SEMA5A: variants seen among roughly 807,000 people sequenced by gnomAD.
SEMA5A encodes the protein semaphorin-5A.
In SEMA5A, 55 loss-of-function variants were observed where a neutral mutation model predicts 135.5. The observed-to-expected ratio is 0.41, with a 90% confidence interval of 0.33 to 0.51. SEMA5A has a LOEUF of 0.51. Among genes scored for constraint, SEMA5A ranks in the 20% least tolerant of loss-of-function variants. SEMA5A has a pLI of 0.37. For missense variants in SEMA5A, 1,290 were observed against 1,419.9 expected (o/e 0.91, Z 1.47); for synonymous variants, 580 against 546.5 (o/e 1.06, Z -0.85).
intron 8 of SEMA5A, among the ~76,000 whole-genome samples, chr5:9,211,656 C>G (rs79954582): frequency 2.0e-5 from 3 of 152,278 alleles, no homozygotes; most frequent in East Asian, 3.9e-4. Context: ...CTCTTCAGGA[C>G]AAGCAGAAAG....
chr5:9,440,241 T>C (rs1390318892), intron 1 of SEMA5A, among the ~76,000 whole-genome samples: 1 of 152,182 alleles, frequency 6.6e-6, no homozygotes, highest in Non-Finnish European at 1.5e-5. Flanking sequence ...AATTAGCCAA[T>C]GCATTAATCA....
chr5:9,327,939 A>C (rs142894358), intron 4 of SEMA5A, among the ~76,000 whole-genome samples: 1 of 152,270 alleles, frequency 6.6e-6, no homozygotes, highest in African/African-American at 2.4e-5. Flanking sequence ...GAATATTTCT[A>C]TGGTTCCTTT....
At chr5:9,420,505 A>G (rs1757428196) in intron 2 of SEMA5A, among the ~76,000 whole-genome samples, 1 of 152,208 alleles carries the variant, frequency 6.6e-6, no homozygotes, top group African/African-American at 2.4e-5. Context: ...TTTCTAATCC[A>G]CTGCTGCTGA....
At chr5:9,483,195 T>C (rs948615709) in intron 1 of SEMA5A, among the ~76,000 whole-genome samples, 1 of 152,114 alleles carries the variant, frequency 6.6e-6, no homozygotes, top group Non-Finnish European at 1.5e-5. Flanking sequence ...TCATTTTCTC[T>C]CCCATAATGT....
At chr5:9,323,760 C>A (rs1752739661) in intron 4 of SEMA5A, among the ~76,000 whole-genome samples, 2 of 145,700 alleles carry the variant, frequency 1.4e-5, no homozygotes, top group African/African-American at 5.1e-5. Flanking sequence ...TTCCTGGGTT[C>A]ATGCAATTCT....
At chr5:9,342,586 C>T (rs1313623597) in intron 3 of SEMA5A, among the ~76,000 whole-genome samples, 1 of 152,150 alleles carries the variant, frequency 6.6e-6, no homozygotes, top group Non-Finnish European at 1.5e-5. Context: ...ACATAACACA[C>T]ATAAGTACAG....
At position 9,039,717 on chromosome 5, in the gene SEMA5A, T is replaced by C. The variant is rs985459940; in HGVS notation, c.*3180A>G. Reference sequence around the variant, plus strand: ...GAGTCTGGAGACTGTGGCTCTTCTGTGCGGTGGAGCCTGACCACGTGCCCC... The same window carrying C: ...GAGTCTGGAGACTGTGGCTCTTCTGCGCGGTGGAGCCTGACCACGTGCCCC... On this transcript the variant is annotated 3_prime_UTR_variant, in exon 23 of 23. Coordinates refer to ENST00000382496, the MANE Select transcript of SEMA5A (RefSeq NM_003966.3). The C allele has an allele frequency of 6.6e-6, 1 of 152,244 alleles. No homozygotes were observed. The highest frequency in any genetic ancestry group is 2.1e-4 in the South Asian group (1 of 4,822). The allele number at this position is 152,244 out of a possible 1,614,324, so 9.4% of individuals were successfully genotyped here. A position where few individuals can be genotyped will look rare whatever the true frequency, so the allele number is the denominator to read the frequency against.
chr5:9,388,255 C>T (rs1389269067), intron 2 of SEMA5A, among the ~76,000 whole-genome samples: 2 of 152,092 alleles, frequency 1.3e-5, no homozygotes, highest in Admixed American at 1.3e-4. Context: ...TTTATATCTC[C>T]CTTCAAAGGG....
In SEMA5A at chr5:9,438,715, T is replaced by A. The variant is rs182094272; in HGVS notation, c.-174-863A>T. Among the ~76,000 whole-genome samples, 426 of 152,274 alleles carry A rather than the reference T, an allele frequency of 2.8e-3. 2 individuals are homozygous for A. Among genetic ancestry groups the A allele is most frequent in the African/African-American group, 1.0e-2 (414 of 41,544 alleles). On this transcript the variant is annotated intron_variant, in intron 1 of 22. Transcript: ENST00000382496. ...CCCAGGTGGCAGCTTCTGGCTGCTA[T>A]AAATGTGAAACACCCTGACATTCTT...
At chr5:9,227,676 G>A (rs1032164232) in intron 6 of SEMA5A, among the ~76,000 whole-genome samples, 11 of 150,046 alleles carry the variant, frequency 7.3e-5, no homozygotes, top group Admixed American at 2.7e-4. Context: ...TCAGCCTCCC[G>A]AGTAGCTGGG....
intron 1 of SEMA5A, among the ~76,000 whole-genome samples, chr5:9,451,703 C>T (rs1259349015): frequency 6.6e-6 from 1 of 152,152 alleles, no homozygotes; most frequent in Non-Finnish European, 1.5e-5. Context: ...GTTCTTTCAC[C>T]AGTAGCTAAG....
intron 4 of SEMA5A, among the ~76,000 whole-genome samples, chr5:9,329,159 T>C (rs1328759080): frequency 6.6e-6 from 1 of 152,150 alleles, no homozygotes; most frequent in Non-Finnish European, 1.5e-5. Flanking sequence ...CACCATCATA[T>C]CCCTTTACTC....
intron 1 of SEMA5A, among the ~76,000 whole-genome samples, chr5:9,482,329 T>C (rs559713490): frequency 2.2e-4 from 33 of 152,296 alleles, no homozygotes; most frequent in African/African-American, 7.5e-4. Context: ...TCAGAGGAAC[T>C]GGAGGCCTTG....
In SEMA5A at chr5:9,225,292, G is replaced by A. The variant is rs184481882; in HGVS notation, c.433-405C>T. On this transcript the variant is annotated intron_variant, in intron 7 of 22. Transcript: ENST00000382496. ...TAATTGCCTGGGCACAGTGGCTCACGCCTATAATCCCAGCACTTTGGGAGG... is the reference window on the plus strand; with the variant it reads ...TAATTGCCTGGGCACAGTGGCTCACACCTATAATCCCAGCACTTTGGGAGG... 5.1e-3 allele frequency among the ~76,000 whole-genome samples: 748 copies of A among 147,772 alleles called. 5 individuals are homozygous for A. Among genetic ancestry groups the A allele is most frequent in the Non-Finnish European group, 7.0e-3 (475 of 67,506 alleles).
chr5:9,197,045 G>T, intron 10 of SEMA5A, 123 bp downstream of exon 10: 1 of 1,349,664 alleles, frequency 7.4e-7, no homozygotes, highest in Non-Finnish European at 1.0e-6. Flanking sequence ...GTCCATGAGG[G>T]GCCAGGGAGA....
chr5:9,066,844 A>G (rs553979013), intron 16 of SEMA5A, among the ~76,000 whole-genome samples, 198 bp from the exon 17 acceptor site: 50 of 152,308 alleles, frequency 3.3e-4, no homozygotes, highest in African/African-American at 1.1e-3. Context: ...GACATCTCCA[A>G]AAGGAATCCC....
At chr5:9,490,518 C>T (rs1261017636) in intron 1 of SEMA5A, among the ~76,000 whole-genome samples, 2 of 152,084 alleles carry the variant, frequency 1.3e-5, no homozygotes, top group East Asian at 3.9e-4. Flanking sequence ...CATGAGATAT[C>T]AAAATCATCC....
chr5:9,497,214 C>T lies in SEMA5A; in HGVS notation c.-175+48370G>A, dbSNP rs187329749. 1.1e-3 allele frequency among the ~76,000 whole-genome samples: 164 copies of T among 152,310 alleles called. 1 individual carries two copies. The highest frequency in any genetic ancestry group is 3.8e-3 in the African/African-American group (157 of 41,560). On this transcript the variant is annotated intron_variant, in intron 1 of 22. Coordinates refer to ENST00000382496, the MANE Select transcript of SEMA5A (RefSeq NM_003966.3). ...ATCAGCTGATGATCAATGATGAGCTCCCAAGAGTAACCAGCCTCTATATAG... is the reference window on the plus strand; with the variant it reads ...ATCAGCTGATGATCAATGATGAGCTTCCAAGAGTAACCAGCCTCTATATAG...
rs115049898 is a variant in SEMA5A, at chr5:9,174,662, C to T, written c.1273+15605G>A. On this transcript the variant is annotated intron_variant, in intron 11 of 22. Transcript: ENST00000382496. ...CATTGCCAGGCAGGGGCCATCTATA[C>T]AAGTTAACAAGGATGACAGGATGTG... Among the ~76,000 whole-genome samples the T allele has an allele frequency of 3.2e-3, 490 of 152,256 alleles. 3 individuals are homozygous for T. The highest frequency in any genetic ancestry group is 0.011 in the African/African-American group (476 of 41,544).
Sources: allele counts gnomAD v4.1 joint callset (sites outside exome capture counted in the v4.1 genomes callset), GRCh38; gene constraint gnomAD v4.1.1; transcripts MANE v1.5; gene names NCBI Gene and HGNC (gene_info 2026-07-23, HGNC 2026-07-21).